Variants in PPP3CC observed in about 807,000 individuals in gnomAD.
The protein encoded by PPP3CC is serine/threonine-protein phosphatase 2B catalytic subunit gamma isoform.
A neutral mutation model predicts 60.3 loss-of-function variants in PPP3CC; 35 were observed. The ratio of observed to expected loss-of-function variants is 0.58; its 90% CI spans 0.44 to 0.77. The LOEUF (loss-of-function observed/expected upper bound fraction) is 0.77. Ranked by LOEUF, PPP3CC falls within the 30% of genes least tolerant of loss-of-function variation. The probability of loss-of-function intolerance (pLI) is 0.00; values close to 1 mark genes in which losing one functional copy is unlikely to be tolerated. For synonymous variants in PPP3CC, 206 were observed against 224.3 expected (o/e 0.92, Z 0.73); for missense variants, 570 against 628.9 (o/e 0.91, Z 1.00).
At chr8:22,507,106 G>A (rs1057458725) in intron 4 of PPP3CC, among the ~76,000 whole-genome samples, 1 of 152,052 alleles carries the variant, frequency 6.6e-6, no homozygotes, top group Admixed American at 6.6e-5. Context: ...GTGACAGAAT[G>A]AGACCCTGTC....
In PPP3CC at chr8:22,469,963, C is replaced by CATAT. The variant is rs35947743; in HGVS notation, c.50-4976_50-4973dup. Among the ~76,000 whole-genome samples, 862 of 146,314 alleles carry CATAT rather than the reference C, an allele frequency of 5.9e-3. 4 individuals are homozygous for CATAT. The highest frequency in any genetic ancestry group is 0.015 in the South Asian group (70 of 4,628). ...AGGGAAATAAAGATTTGCTCAAAGA[C>CATAT]ATATATATATATATATATGTGATAT... On this transcript the variant is annotated intron_variant, in intron 1 of 13. Coordinates refer to ENST00000240139, the MANE Select transcript of PPP3CC (RefSeq NM_005605.5).
At chr8:22,474,867 G>C (rs1837838801) in intron 1 of PPP3CC, 87 bp from the exon 2 acceptor site, 7 of 913,106 alleles carry the variant, frequency 7.7e-6, no homozygotes, top group African/African-American at 1.7e-5. Flanking sequence ...TGATTTATTA[G>C]GTTTAATTTG....
At chr8:22,472,326 A>AT (rs894632384) in intron 1 of PPP3CC, among the ~76,000 whole-genome samples, 3 of 148,430 alleles carry the variant, frequency 2.0e-5, no homozygotes, top group Admixed American at 6.8e-5. Context: ...AAAAGTTTAA[A>AT]TTTTTTTTTA....
intron 1 of PPP3CC, among the ~76,000 whole-genome samples, chr8:22,450,797 ATT>A (rs879291702): frequency 6.3e-5 from 9 of 142,300 alleles, no homozygotes; most frequent in South Asian, 2.2e-4. Context: ...AACCTACTTT[ATT>A]TTTATTTATT....
intron 4 of PPP3CC, among the ~76,000 whole-genome samples, chr8:22,503,564 T>C (rs1838824126): frequency 6.6e-6 from 1 of 152,176 alleles, no homozygotes; most frequent in Non-Finnish European, 1.5e-5. Flanking sequence ...ATAGTAGGTG[T>C]ATCTATTTAT....
chr8:22,458,204 C>G (rs914992953), intron 1 of PPP3CC, among the ~76,000 whole-genome samples: 1 of 152,158 alleles, frequency 6.6e-6, no homozygotes, highest in Non-Finnish European at 1.5e-5. Context: ...AGTTATTTAA[C>G]TAGAATATAA....
chr8:22,458,747 A>T (rs977439114), intron 1 of PPP3CC, among the ~76,000 whole-genome samples: 1 of 152,094 alleles, frequency 6.6e-6, no homozygotes, highest in Non-Finnish European at 1.5e-5. Context: ...TCAGTTGGTA[A>T]TGTACACTCT....
intron 8 of PPP3CC, chr8:22,523,710 A>C (rs575127617): frequency 2.2e-6 from 1 of 453,066 alleles, no homozygotes; most frequent in South Asian, 1.6e-5. Context: ...GGTGGATTTG[A>C]TTTTTGGACA....
Position 22,525,491 on chromosome 8 carries a change from C to CTTCTTTCTTTCTTTCTTTCT in PPP3CC, c.944-1872_944-1853dup, listed in dbSNP as rs199717558. Among the ~76,000 whole-genome samples, 831 of 128,624 alleles carry CTTCTTTCTTTCTTTCTTTCT rather than the reference C, an allele frequency of 6.5e-3. 11 individuals are homozygous for CTTCTTTCTTTCTTTCTTTCT. The highest frequency in any genetic ancestry group is 0.012 in the Middle Eastern group (3 of 260). 84.4% of individuals were successfully genotyped at this position (128,624 alleles called of 152,430 possible). On this transcript the variant is annotated intron_variant, in intron 8 of 13. Coordinates refer to ENST00000240139, the MANE Select transcript of PPP3CC (RefSeq NM_005605.5). Reference sequence around the variant, plus strand: ...TTTCTTTTTCTTTCTGCTTCCTTTTCTTCTTTCTTTCTTTCTTTCTTTCTT... The same window carrying CTTCTTTCTTTCTTTCTTTCT: ...TTTCTTTTTCTTTCTGCTTCCTTTTCTTCTTTCTTTCTTTCTTTCTTTCTTTCTTTCTTTCTTTCTTTCTT...
chr8:22,483,976 G>C (rs1838148082), intron 3 of PPP3CC, among the ~76,000 whole-genome samples: 1 of 151,828 alleles, frequency 6.6e-6, no homozygotes, highest in Non-Finnish European at 1.5e-5. Flanking sequence ...CAATTAGCTA[G>C]GACTACAGGT....
chr8:22,492,860 C>T (rs556467655), intron 3 of PPP3CC: 1 of 1,048,678 alleles, frequency 9.5e-7, no homozygotes, highest in African/African-American at 1.6e-5. Flanking sequence ...TGCCAGCAAA[C>T]TCTTTCACCA....
chr8:22,516,122 A>G (rs1839237250), intron 6 of PPP3CC, among the ~76,000 whole-genome samples: 1 of 151,776 alleles, frequency 6.6e-6, no homozygotes, highest in South Asian at 2.1e-4. Flanking sequence ...TATTTTCTGT[A>G]GAAACAAGGT....
chr8:22,475,325 G>T (rs1182604608), intron 2 of PPP3CC, among the ~76,000 whole-genome samples, 174 bp downstream of exon 2: 1 of 152,164 alleles, frequency 6.6e-6, no homozygotes, highest in African/African-American at 2.4e-5. Flanking sequence ...AATTTTAAGT[G>T]TCTCATATTT....
intron 3 of PPP3CC, among the ~76,000 whole-genome samples, chr8:22,484,656 C>T (rs1332227148): frequency 1.3e-5 from 2 of 152,148 alleles, no homozygotes; most frequent in African/African-American, 2.4e-5. Flanking sequence ...AAGGTCTGTT[C>T]AGTATTTTAT....
At chr8:22,455,976 C>T (rs1272328346) in intron 1 of PPP3CC, among the ~76,000 whole-genome samples, 3 of 152,180 alleles carry the variant, frequency 2.0e-5, no homozygotes, top group African/African-American at 7.2e-5. Context: ...GCACATAATA[C>T]TTTTGGTAAT....
intron 3 of PPP3CC, among the ~76,000 whole-genome samples, chr8:22,485,012 G>A (rs1188517665): frequency 6.6e-6 from 1 of 152,024 alleles, no homozygotes; most frequent in African/African-American, 2.4e-5. Flanking sequence ...AATGAGATAC[G>A]CATATCTTAT....
chr8:22,522,793 C>T (rs774745430), intron 8 of PPP3CC, 44 bp downstream of exon 8: 35 of 1,350,356 alleles, frequency 2.6e-5, no homozygotes, highest in Admixed American at 1.9e-4. Context: ...TATGAGTAAA[C>T]GTGAGCTCTG....
intron 3 of PPP3CC, among the ~76,000 whole-genome samples, chr8:22,490,911 CAT>C (rs897731970): frequency 1.4e-4 from 22 of 152,252 alleles, no homozygotes; most frequent in Admixed American, 9.8e-4. Context: ...CCGCAATAAA[CAT>C]ATGTGTGCAT....
chr8:22,450,921 C>T (rs575184927), intron 1 of PPP3CC, among the ~76,000 whole-genome samples: 1 of 150,960 alleles, frequency 6.6e-6, no homozygotes, highest in South Asian at 2.1e-4. Flanking sequence ...CTGAAAGCTC[C>T]GCCTCCGGAT....
Sources: gnomAD v4.1 joint callset for allele counts (sites outside exome capture counted in the v4.1 genomes callset) on GRCh38, gnomAD v4.1.1 for gene constraint, MANE v1.5 for transcripts, NCBI Gene and HGNC (gene_info 2026-07-23, HGNC 2026-07-21) for gene names.